The following DNAJC10 variants were observed in gnomAD, a reference collection of about 807,000 sequenced individuals.
DNAJC10 encodes DnaJ heat shock protein family (Hsp40) member C10.
A neutral mutation model predicts 115.0 loss-of-function variants in DNAJC10; 101 were observed. That is an observed-to-expected ratio of 0.88 (90% CI 0.75 to 1.04). DNAJC10 has a LOEUF of 1.04. DNAJC10 is among the 50% of genes least tolerant of loss of function. The pLI is 0.00. For synonymous variants in DNAJC10, 307 were observed against 301.5 expected, an observed-to-expected ratio of 1.02 and a Z score of -0.19; for missense variants, 981 against 928.8, an observed-to-expected ratio of 1.06 and a Z score of -0.73.
At chr2:182,727,059 T>TG (rs940614162) in intron 5 of DNAJC10, among the ~76,000 whole-genome samples, 6 of 151,386 alleles carry the variant, frequency 4.0e-5, no homozygotes, top group South Asian at 2.1e-4. Context: ...TTTGTTTGTT[T>TG]TTTTTTTTTA....
At position 182,780,257 on chromosome 2, in the gene DNAJC10, G is replaced by A. The variant is rs917325131; in HGVS notation, c.*3125G>A. On this transcript the variant is annotated 3_prime_UTR_variant, in exon 24 of 24. Coordinates refer to ENST00000264065, the MANE Select transcript of DNAJC10 (RefSeq NM_018981.4). Reference sequence around the variant, plus strand: ...GGGGCCTGGTGGGAGGTGTTTGGGTGATGGGGGCTGATCCCTCATAAATGG... The same window carrying A: ...GGGGCCTGGTGGGAGGTGTTTGGGTAATGGGGGCTGATCCCTCATAAATGG... 2 of 152,108 alleles carry A rather than the reference G, an allele frequency of 1.3e-5. No individual in the cohort carries two copies. Among genetic ancestry groups the A allele is most frequent in the Non-Finnish European group, 2.9e-5 (2 of 68,036 alleles). 9.4% of individuals were successfully genotyped at this position (152,108 alleles called of 1,614,324 possible). A position where few individuals can be genotyped will look rare whatever the true frequency, so the allele number is the denominator to read the frequency against.
intron 5 of DNAJC10, among the ~76,000 whole-genome samples, chr2:182,724,337 C>G (rs1010818956): frequency 1.1e-4 from 16 of 152,022 alleles, no homozygotes; most frequent in Non-Finnish European, 2.4e-4. Flanking sequence ...TGACCTGATG[C>G]AAATTACAAA....
chr2:182,737,388 A>G (rs1267061077), intron 11 of DNAJC10, among the ~76,000 whole-genome samples: 1 of 152,228 alleles, frequency 6.6e-6, no homozygotes, highest in Non-Finnish European at 1.5e-5. Context: ...AAATTCATAT[A>G]TGGCACAGAG....
chr2:182,726,887 A>AT (rs1693298974), intron 5 of DNAJC10, among the ~76,000 whole-genome samples: 1 of 144,448 alleles, frequency 6.9e-6, no homozygotes, highest in Non-Finnish European at 1.5e-5. Context: ...ATGTGCCACC[A>AT]TGTCCAGCTA....
At chr2:182,776,564 A>C (rs765843517) in intron 23 of DNAJC10, among the ~76,000 whole-genome samples, 9 of 152,230 alleles carry the variant, frequency 5.9e-5, no homozygotes, top group Non-Finnish European at 1.2e-4. Flanking sequence ...GCTAGAGAAG[A>C]CTGGCTTTAT....
chr2:182,729,652 A>G (rs1230279104), intron 7 of DNAJC10, among the ~76,000 whole-genome samples, 196 bp from the exon 8 acceptor site: 1 of 152,122 alleles, frequency 6.6e-6, no homozygotes, highest in Non-Finnish European at 1.5e-5. Context: ...TATAAATGGT[A>G]TTATTAAAAT....
At chr2:182,752,252 A>C in intron 16 of DNAJC10, 64 bp downstream of exon 16, 1 of 807,730 alleles carries the variant, frequency 1.2e-6, no homozygotes, top group Non-Finnish European at 1.9e-6. Flanking sequence ...TTGGCTGTTT[A>C]TTATTAAAAC....
chr2:182,739,251 T>C (rs946391147), intron 11 of DNAJC10, among the ~76,000 whole-genome samples: 1 of 147,058 alleles, frequency 6.8e-6, no homozygotes. Context: ...TATATATATC[T>C]CATATATATA....
chr2:182,788,622 G>A lies in DNAJC10; in HGVS notation c.*11490G>A, dbSNP rs940631503. On this transcript the variant is annotated 3_prime_UTR_variant, in exon 24 of 24. Coordinates refer to ENST00000264065, the MANE Select transcript of DNAJC10 (RefSeq NM_018981.4). ...AGCAATTGGTTGTAGCAATACGTCC[G>A]TCTGTAAGTGATGGTCATATTTGTG... is the stretch of plus-strand genomic sequence containing the variant. 2.7e-5 allele frequency: 8 copies of A among 300,558 alleles called. No individual in the cohort carries two copies. Among genetic ancestry groups the A allele is most frequent in the Non-Finnish European group, 3.3e-5 (5 of 153,408 alleles). 18.6% of individuals were successfully genotyped at this position (300,558 alleles called of 1,614,324 possible). A position where few individuals can be genotyped will look rare whatever the true frequency, so the allele number is the denominator to read the frequency against.
chr2:182,768,145 A>C (rs943163239), intron 22 of DNAJC10, among the ~76,000 whole-genome samples: 2 of 152,118 alleles, frequency 1.3e-5, no homozygotes, highest in African/African-American at 4.8e-5. Context: ...TAGATTTTTC[A>C]GTGAAGGTTT....
At chr2:182,755,262 C>G (rs1294542568) in intron 17 of DNAJC10, among the ~76,000 whole-genome samples, 158 bp downstream of exon 17, 1 of 152,064 alleles carries the variant, frequency 6.6e-6, no homozygotes, top group Non-Finnish European at 1.5e-5. Context: ...TTTTACTCTT[C>G]TTATATACTT....
intron 10 of DNAJC10, among the ~76,000 whole-genome samples, chr2:182,733,818 TAG>T (rs1693514291): frequency 6.6e-6 from 1 of 151,140 alleles, no homozygotes; most frequent in African/African-American, 2.4e-5. Flanking sequence ...GATAGATAGA[TAG>T]ATAGATAGAT....
At position 182,777,582 on chromosome 2, in the gene DNAJC10, G is replaced by C. The variant is rs1694741661; in HGVS notation, c.*450G>C. 1 of 152,348 alleles carries C rather than the reference G, an allele frequency of 6.6e-6. No individual in the cohort carries two copies. Among genetic ancestry groups the C allele is most frequent in the Admixed American group, 6.5e-5 (1 of 15,270 alleles). 9.4% of individuals were successfully genotyped at this position (152,348 alleles called of 1,614,324 possible). Reference sequence around the variant, plus strand: ...TGCTATCTACATAAATGTCTAAGTTGTATAAAGTCCACTTTCCCTTCACGT... The same window carrying C: ...TGCTATCTACATAAATGTCTAAGTTCTATAAAGTCCACTTTCCCTTCACGT... On this transcript the variant is annotated 3_prime_UTR_variant, in exon 24 of 24. Coordinates refer to ENST00000264065, the MANE Select transcript of DNAJC10 (RefSeq NM_018981.4).
At chr2:182,742,727 A>G (rs1574934527) in intron 13 of DNAJC10, among the ~76,000 whole-genome samples, 1 of 152,180 alleles carries the variant, frequency 6.6e-6, no homozygotes, top group African/African-American at 2.4e-5. Flanking sequence ...CTGGTCGGGG[A>G]AAAATACTTT....
chr2:182,774,733 C>T (rs557262349), intron 22 of DNAJC10, among the ~76,000 whole-genome samples: 1 of 152,210 alleles, frequency 6.6e-6, no homozygotes, highest in East Asian at 1.9e-4. Flanking sequence ...GAGAGTGTCC[C>T]GTTTTTTCAG....
chr2:182,729,208 G>T (rs1336602354), intron 7 of DNAJC10: 13 of 449,028 alleles, frequency 2.9e-5, no homozygotes, highest in South Asian at 2.9e-4. Context: ...GAGTGCAAGG[G>T]TGCAGTCTCG....
chr2:182,723,294 C>T (rs1300641032), intron 5 of DNAJC10, among the ~76,000 whole-genome samples: 3 of 152,096 alleles, frequency 2.0e-5, no homozygotes, highest in Admixed American at 6.5e-5. Flanking sequence ...GATCCACCCA[C>T]GTTGGCCTCC....
chr2:182,719,621 A>G (rs1693093458), intron 3 of DNAJC10, among the ~76,000 whole-genome samples: 1 of 152,228 alleles, frequency 6.6e-6, no homozygotes, highest in South Asian at 2.1e-4. Context: ...TACCTCAAAT[A>G]GAAAAATAAC....
rs1694934153 is a variant in DNAJC10, at chr2:182,785,714, TG to T, written c.*8583del. ...AGAGGCTTTTCAGTCATGAGCCAAA[TG>T]CAGTATGTGGGCTATATTTGCATCT... is the stretch of plus-strand genomic sequence containing the variant. On this transcript the variant is annotated 3_prime_UTR_variant, in exon 24 of 24. Transcript: ENST00000264065. 1 of 152,142 alleles carries T rather than the reference TG, an allele frequency of 6.6e-6. No homozygotes were observed. The highest frequency in any genetic ancestry group is 2.1e-4 in the South Asian group (1 of 4,828). 9.4% of individuals were successfully genotyped at this position (152,142 alleles called of 1,614,324 possible).
Sources: allele counts gnomAD v4.1 joint callset (sites outside exome capture counted in the v4.1 genomes callset), GRCh38; gene constraint gnomAD v4.1.1; transcripts MANE v1.5; gene names NCBI Gene and HGNC (gene_info 2026-07-23, HGNC 2026-07-21).